CYP51A1: variants seen among roughly 807,000 people sequenced by gnomAD.
CYP51A1 encodes lanosterol 14-alpha demethylase.
A neutral mutation model predicts 53.5 loss-of-function variants in CYP51A1; 45 were observed. The ratio of observed to expected loss-of-function variants is 0.84; its 90% confidence interval spans 0.66 to 1.08. CYP51A1 has a LOEUF of 1.08. Among genes scored for constraint, CYP51A1 ranks in the 50% least tolerant of loss-of-function variants. The pLI, the probability that CYP51A1 is intolerant of heterozygous loss-of-function variation, is 0.00. For synonymous variants in CYP51A1, 181 were observed against 217.7 expected (o/e 0.83, Z 1.48); for missense variants, 462 against 621.7 (o/e 0.74, Z 2.73).
At chr7:92,120,879 T>C (rs543323430) in intron 7 of CYP51A1, among the ~76,000 whole-genome samples, 2 of 151,690 alleles carry the variant, frequency 1.3e-5, no homozygotes, top group South Asian at 4.2e-4. Flanking sequence ...AAAAGACAAC[T>C]CATTTTAAAT....
At chr7:92,134,518 G>T, upstream of CYP51A1, 1 of 712,920 alleles carries the variant, frequency 1.4e-6, no homozygotes, top group Non-Finnish European at 2.3e-6. Flanking sequence ...GCGCCACCCC[G>T]TGCGTCACAG....
At chr7:92,126,884 T>C (rs950786248) in intron 4 of CYP51A1, among the ~76,000 whole-genome samples, 1 of 152,184 alleles carries the variant, frequency 6.6e-6, no homozygotes, top group African/African-American at 2.4e-5. Context: ...AATCACCAAT[T>C]AGTATATCCC....
intron 7 of CYP51A1, among the ~76,000 whole-genome samples, chr7:92,120,569 G>A (rs1819670845): frequency 1.3e-5 from 2 of 152,146 alleles, no homozygotes; most frequent in African/African-American, 4.8e-5. Context: ...ATACAGGCAC[G>A]TGCCACTGCG....
At chr7:92,120,009 G>A (rs147448809) in intron 7 of CYP51A1, among the ~76,000 whole-genome samples, 2 of 152,198 alleles carry the variant, frequency 1.3e-5, no homozygotes, top group African/African-American at 4.8e-5. Context: ...TGGACTGGCA[G>A]AAGAAAGAAT....
chr7:92,124,465 C>T (rs1373605203), intron 5 of CYP51A1, among the ~76,000 whole-genome samples: 1 of 152,186 alleles, frequency 6.6e-6, no homozygotes, highest in African/African-American at 2.4e-5. Context: ...CTATTAACCT[C>T]AAGTTATAGC....
Position 92,123,760 on chromosome 7 carries a change from G to A in CYP51A1, c.864C>T (p.Leu288=). 3 of 1,608,326 alleles carry A rather than the reference G, an allele frequency of 1.9e-6. No individual in the cohort carries two copies. The highest frequency in any genetic ancestry group is 1.7e-6 in the Non-Finnish European group (2 of 1,178,310). ...TGTATGTAGCATCTAGTAAAGTTTG[G>A]AGAATGTCATCAATTTTTTCTTGAG... ...RQSQEKIDDI[L]QTLLDATYKD... is the part of the protein sequence containing the mutation. The change falls in exon 6 of 10, where the codon CTC becomes CTT. Residue 288 remains leucine, a synonymous_variant. Coordinates refer to ENST00000003100, the MANE Select transcript of CYP51A1 (RefSeq NM_000786.4).
chr7:92,118,464 C>A (rs1464412973), intron 8 of CYP51A1, 56 bp downstream of exon 8: 1 of 975,460 alleles, frequency 1.0e-6, no homozygotes, highest in Non-Finnish European at 1.7e-6. Flanking sequence ...CCACCTATTT[C>A]TTCTTTTTGA....
intron 2 of CYP51A1, among the ~76,000 whole-genome samples, chr7:92,131,470 T>C (rs185464284): frequency 3.8e-4 from 58 of 152,296 alleles, no homozygotes; most frequent in Non-Finnish European, 6.9e-4. Context: ...TTAATTAATA[T>C]CAATTTTAAT....
rs1370167546 is a variant in CYP51A1, at chr7:92,134,318, C to A, written c.47G>T (p.Gly16Val). The A allele has an allele frequency of 2.5e-6, 4 of 1,599,294 alleles. No homozygotes were observed. The Admixed American group carries it at 5.1e-5, about 20-fold the overall frequency. Residue 16 changes from glycine (G) to valine (V), a missense_variant, in exon 1 of 10, where the codon GGT (glycine) becomes GTT (valine). By Grantham distance (109) the Gly-to-Val change is moderately radical. Transcript: ENST00000003100. ...GMLLLGLLQAGGSVLGQAMEK... is the reference protein window; with the variant it reads ...GMLLLGLLQAVGSVLGQAMEK... ...CATCGCCTGGCCCAGCACCGACCCA[C>A]CCGCCTGCAGCAAGCCCAGCAGCAG...
Position 92,128,829 on chromosome 7 carries a change from T to C in CYP51A1, c.468+51A>G, listed in dbSNP as rs1204212603. On this transcript the variant is annotated intron_variant, in intron 3 of 9. Coordinates refer to ENST00000003100, the MANE Select transcript of CYP51A1 (RefSeq NM_000786.4). The stretch of plus-strand genomic sequence containing the variant: ...ATGTATAATGTCTCACTATTAGCTA[T>C]AACTACTGAGGTATAGATTTGTCTT... 15 of 1,442,366 alleles carry C rather than the reference T, an allele frequency of 1.0e-5. No homozygotes were observed. The Admixed American group carries it at 2.7e-4, about 26-fold the overall frequency. The allele number at this position is 1,442,366 out of a possible 1,614,324, so 89.3% of individuals were successfully genotyped here.
rs762977698 is a variant in CYP51A1 at position 92,126,435 on chromosome 7, G to GA, written c.596-9dup. ...AAAGAGCTTCAAACACATCTAGGGA[G>GA]AAAAAAAAGATTATTCTCATTACTA... is the stretch of plus-strand genomic sequence containing the variant. On this transcript the variant is annotated splice_polypyrimidine_tract_variant and intron_variant, in intron 4 of 9. Transcript: ENST00000003100. The GA allele has an allele frequency of 4.7e-5, 74 of 1,570,820 alleles. No individual in the cohort carries two copies. Among genetic ancestry groups the GA allele is most frequent in the South Asian group, 4.7e-4 (39 of 83,642 alleles).
rs1414578203 is a variant in CYP51A1 at position 92,134,247 on chromosome 7, A to C, written c.118T>G (p.Cys40Gly). 1 of 1,613,372 alleles carries C rather than the reference A, an allele frequency of 6.2e-7. No homozygotes were observed. Among genetic ancestry groups the C allele is most frequent in the Non-Finnish European group, 8.5e-7 (1 of 1,179,712 alleles). The change falls in exon 1 of 10, where the codon TGC (cysteine) becomes GGC (glycine). Residue 40 changes from cysteine (C) to glycine (G), a missense_variant. Cys to Gly is a radical substitution (Grantham distance 159). Transcript: ENST00000003100. ...TAGACCAGGCTGAGGGTGAAGGCGC[A>C]GGCGATCAGCAGCATGGACAAGAGG... ...GNLLSMLLIA[C>G]AFTLSLVYLI...
In CYP51A1 at chr7:92,134,451, A is replaced by AG. The variant is rs886583364; in HGVS notation, c.-88dup. The stretch of plus-strand genomic sequence containing the variant: ...GAGAAGCTGGCAGATGGTCGTCCAC[A>AG]GGGGGCCTTGCCCCAGGTCTCCTAC... On this transcript the variant is annotated 5_prime_UTR_variant, in exon 1 of 10. Coordinates refer to ENST00000003100, the MANE Select transcript of CYP51A1 (RefSeq NM_000786.4). 1.1e-5 allele frequency: 16 copies of AG among 1,393,274 alleles called. No individual in the cohort carries two copies. The highest frequency in any genetic ancestry group is 2.6e-5 in the Admixed American group (1 of 37,832). The allele number at this position is 1,393,274 out of a possible 1,614,324, so 86.3% of individuals were successfully genotyped here. A position where few individuals can be genotyped will look rare whatever the true frequency, so the allele number is the denominator to read the frequency against.
At chr7:92,134,110 C>T in intron 1 of CYP51A1, 63 bp downstream of exon 1, 1 of 1,539,792 alleles carries the variant, frequency 6.5e-7, no homozygotes, top group Non-Finnish European at 8.9e-7. Context: ...GCCGCCCACG[C>T]CAGCCCTTCG....
Position 92,118,526 on chromosome 7 carries a change from A to C in CYP51A1, c.1176T>G (p.Thr392=), listed in dbSNP as rs751231020. 79 of 1,545,138 alleles carry C rather than the reference A, an allele frequency of 5.1e-5. No individual in the cohort carries two copies. Among genetic ancestry groups the C allele is most frequent in the Non-Finnish European group, 6.6e-5 (74 of 1,118,778 alleles). The change falls in exon 8 of 10, where the codon ACT becomes ACG. Residue 392 remains threonine (T), a synonymous_variant. Transcript: ENST00000003100. ...ATGTAGCCAAGATACTCACCTGAGG[A>C]GTTCTGGCCATTCTCATCATGATCA... ...PIMIMMRMAR[T]PQTVAGYTIP...
chr7:92,132,324 A>G (rs2282975), intron 1 of CYP51A1, among the ~76,000 whole-genome samples: 62,895 of 152,108 alleles, frequency 0.41, 13,506 homozygotes, highest in African/African-American at 0.51. Context: ...AAAATGGCAA[A>G]GTATTTGCGT....
chr7:92,123,050 TC>T, intron 7 of CYP51A1, 69 bp downstream of exon 7: 2 of 1,197,420 alleles, frequency 1.7e-6, no homozygotes, highest in South Asian at 2.9e-5. Context: ...TCTCAAATTG[TC>T]CCTTTTAAAA....
At position 92,112,828 on chromosome 7, in the gene CYP51A1, C is replaced by CACA. The variant is rs1221261896; in HGVS notation, c.*836_*837insTGT. ...TGGGCAACAGAGCGAGACTCCATCT[C>CACA]AAAAAAAAAAAAAAAAAAAGGAAGC... is the stretch of plus-strand genomic sequence containing the variant. On this transcript the variant is annotated 3_prime_UTR_variant, in exon 10 of 10. Coordinates refer to ENST00000003100, the MANE Select transcript of CYP51A1 (RefSeq NM_000786.4). 4.2e-5 allele frequency: 2 copies of CACA among 47,128 alleles called. No individual in the cohort carries two copies. Among genetic ancestry groups the CACA allele is most frequent in the African/African-American group, 7.9e-5 (1 of 12,688 alleles). 2.9% of individuals were successfully genotyped at this position (47,128 alleles called of 1,614,324 possible).
Position 92,117,053 on chromosome 7 carries a change from A to G in CYP51A1, c.1342T>C (p.Phe448Leu). 6.2e-7 allele frequency: 1 copy of G among 1,611,764 alleles called. No homozygotes were observed. The highest frequency in any genetic ancestry group is 8.5e-7 in the Non-Finnish European group (1 of 1,179,326). Reference sequence around the variant, plus strand: ...AATATAATCATCTTACCAGCTCCAAATGGCACATAGGCAAACTTTTCCCCT... The same window carrying G: ...AATATAATCATCTTACCAGCTCCAAGTGGCACATAGGCAAACTTTTCCCCT... ...ASGEKFAYVP[F>L]GAGRHRCIGE... The change falls in exon 9 of 10, where the codon TTT becomes CTT. Residue 448 changes from phenylalanine (F) to leucine (L), a missense_variant. Transcript: ENST00000003100.
Sources: allele counts gnomAD v4.1 joint callset (sites outside exome capture counted in the v4.1 genomes callset), GRCh38; gene constraint gnomAD v4.1.1; transcripts MANE v1.5; gene names NCBI Gene and HGNC (gene_info 2026-07-23, HGNC 2026-07-21).